The following COLEC10 variants were observed in gnomAD, a reference collection of about 807,000 sequenced individuals.
The protein encoded by COLEC10 is collectin subfamily member 10.
In COLEC10, 22 loss-of-function variants were observed where a neutral mutation model predicts 28.4. The ratio of observed to expected loss-of-function variants is 0.78; its 90% CI spans 0.55 to 1.11. The LOEUF (loss-of-function observed/expected upper bound fraction) is 1.11, where lower values mean the gene tolerates loss of function less well. COLEC10 is among the 50% of genes least tolerant of loss of function. COLEC10 has a pLI of 0.00. For synonymous variants in COLEC10, 125 were observed against 116.1 expected, an observed-to-expected ratio of 1.08 and a Z score of -0.49; for missense variants, 361 against 344.1, an observed-to-expected ratio of 1.05 and a Z score of -0.39.
chr8:118,958,453 A>T, the COLEC10 span, among the ~76,000 whole-genome samples: 3 of 152,374 alleles, frequency 2.0e-5, no homozygotes, highest in East Asian at 5.8e-4. Flanking sequence ...CAGTGGCACC[A>T]GAGGCTGCAT....
At chr8:119,037,411 AT>A (rs140286563) in intron 2 of COLEC10, among the ~76,000 whole-genome samples, 1,713 of 150,482 alleles carry the variant, frequency 0.011, 35 homozygotes, top group East Asian at 0.094. Context: ...TAAACTTGAT[AT>A]TTTTTTTTTC....
chr8:119,098,764 A>G (rs1445286016), intron 3 of COLEC10, among the ~76,000 whole-genome samples: 5 of 152,068 alleles, frequency 3.3e-5, no homozygotes, highest in Non-Finnish European at 7.4e-5. Flanking sequence ...ACCATTAGCT[A>G]TTAAGATTTT....
At chr8:118,955,215 AT>A in the COLEC10 span, among the ~76,000 whole-genome samples, 1 of 152,190 alleles carries the variant, frequency 6.6e-6, no homozygotes, top group Non-Finnish European at 1.5e-5. Context: ...AAAAAACACA[AT>A]TTTAACCATA....
chr8:119,006,122 G>A (rs963866701), intron 1 of COLEC10, among the ~76,000 whole-genome samples: 3 of 152,048 alleles, frequency 2.0e-5, no homozygotes, highest in Non-Finnish European at 4.4e-5. Flanking sequence ...TGACTCAGAT[G>A]TCTCTTACTG....
intron 2 of COLEC10, among the ~76,000 whole-genome samples, chr8:119,027,675 T>C (rs1256203400): frequency 6.6e-6 from 1 of 152,192 alleles, no homozygotes; most frequent in Non-Finnish European, 1.5e-5. Context: ...CTCTGGGACC[T>C]TGACCAATTG....
At chr8:118,971,598 A>G in the COLEC10 span, among the ~76,000 whole-genome samples, 1 of 151,944 alleles carries the variant, frequency 6.6e-6, no homozygotes, top group African/African-American at 2.4e-5. Context: ...CTCCAAATCA[A>G]ATTGCACAGT....
the COLEC10 span, among the ~76,000 whole-genome samples, chr8:118,977,930 G>A: frequency 1.3e-5 from 2 of 152,080 alleles, no homozygotes; most frequent in Non-Finnish European, 1.5e-5. Context: ...TAAATGGAAT[G>A]CTGCCCTCTT....
intron 3 of COLEC10, among the ~76,000 whole-genome samples, chr8:119,093,702 C>A (rs917804626): frequency 6.6e-5 from 10 of 152,128 alleles, no homozygotes; most frequent in Admixed American, 3.9e-4. Context: ...AGACATATTT[C>A]TTTTCTAATT....
the COLEC10 span, among the ~76,000 whole-genome samples, chr8:118,956,757 A>T: frequency 6.6e-6 from 1 of 152,208 alleles, no homozygotes; most frequent in South Asian, 2.1e-4. Context: ...AAAATTATTG[A>T]TGTAACTTGA....
chr8:119,092,739 C>G (rs1321300740), intron 3 of COLEC10, among the ~76,000 whole-genome samples: 1 of 151,966 alleles, frequency 6.6e-6, no homozygotes, highest in Admixed American at 6.6e-5. Flanking sequence ...AACCCCATCT[C>G]TACTAAAAAT....
the COLEC10 span, among the ~76,000 whole-genome samples, chr8:118,973,061 A>G: frequency 1.3e-5 from 2 of 151,968 alleles, no homozygotes; most frequent in African/African-American, 2.4e-5. Flanking sequence ...GGTCCCTCCC[A>G]TGACATGTGG....
intron 2 of COLEC10, among the ~76,000 whole-genome samples, chr8:119,051,010 T>A (rs1814663955): frequency 6.6e-6 from 1 of 152,190 alleles, no homozygotes. Flanking sequence ...CTGATTTTTT[T>A]AAATGAATTA....
intron 2 of COLEC10, among the ~76,000 whole-genome samples, chr8:119,029,200 A>G (rs10464822): frequency 0.044 from 6,677 of 152,228 alleles, 216 homozygotes; most frequent in East Asian, 0.16. Context: ...GGTATGTGAG[A>G]GTTGAAGCAG....
At position 119,020,873 on chromosome 8, in the gene COLEC10, G is replaced by C. The variant is rs140980748; in HGVS notation, n.235+11320G>C. ...CTATATTTAAATTTATCTAAAAATG[G>C]ATTTTATGTATGTTAGAATCATTAA... On this transcript the variant is annotated intron_variant and non_coding_transcript_variant, in intron 2 of 6. Transcript: ENST00000521788. Among the ~76,000 whole-genome samples the C allele has an allele frequency of 6.9e-4, 105 of 152,118 alleles. 2 individuals are homozygous for C. The Middle Eastern group carries it at 0.017, about 25-fold the overall frequency.
At chr8:119,023,297 T>A (rs552535734) in intron 2 of COLEC10, among the ~76,000 whole-genome samples, 1 of 152,292 alleles carries the variant, frequency 6.6e-6, no homozygotes, top group South Asian at 2.1e-4. Flanking sequence ...AGTCCAAGAA[T>A]AAAAGGATTT....
the COLEC10 span, among the ~76,000 whole-genome samples, chr8:118,977,301 G>T: frequency 0.029 from 4,332 of 148,014 alleles, 186 homozygotes; most frequent in East Asian, 0.17. Context: ...ACATGCACAC[G>T]TATGTTTATT....
rs564947085 is a variant in COLEC10 at position 119,094,486 on chromosome 8, A to T, written c.292+3266A>T. ...GCTAAGTACGACTAGCTGGGTCCAA[A>T]AAAATATTTAAATACATATCTGAAG... On this transcript the variant is annotated intron_variant, in intron 3 of 5. Transcript: ENST00000332843. Among the ~76,000 whole-genome samples the T allele has an allele frequency of 1.4e-4, 22 of 152,328 alleles. No individual in the cohort carries two copies. The South Asian group carries it at 4.6e-3, about 32-fold the overall frequency.
chr8:119,081,586 G>C (rs1180409302), intron 1 of COLEC10, among the ~76,000 whole-genome samples: 1 of 152,064 alleles, frequency 6.6e-6, no homozygotes. Flanking sequence ...TTTTTCGATG[G>C]AGGCAGGAAC....
chr8:119,028,270 G>C (rs574658870), intron 2 of COLEC10, among the ~76,000 whole-genome samples: 1 of 152,252 alleles, frequency 6.6e-6, no homozygotes, highest in South Asian at 2.1e-4. Context: ...CATTGAAATT[G>C]CACAGGAGTA....
Sources: allele counts gnomAD v4.1 joint callset (sites outside exome capture counted in the v4.1 genomes callset), GRCh38; gene constraint gnomAD v4.1.1; transcripts MANE v1.5; gene names NCBI Gene and HGNC (gene_info 2026-07-23, HGNC 2026-07-21).